Variants in CFAP43 observed in about 807,000 individuals in gnomAD.
CFAP43 encodes cilia and flagella associated protein 43.
CFAP43 carries 155 observed loss-of-function variants against 218.9 expected under a neutral mutation model. That is an observed-to-expected ratio of 0.71 (90% CI 0.62 to 0.81). The LOEUF (loss-of-function observed/expected upper bound fraction) is 0.81. Ranked by LOEUF, CFAP43 falls within the 30% of genes least tolerant of loss-of-function variation. CFAP43 has a pLI of 0.00. For missense variants in CFAP43, 1,778 were observed against 1,954.3 expected (o/e 0.91, Z 1.70); for synonymous variants, 645 against 681.3 (o/e 0.95, Z 0.83).
chr10:104,140,705 T>C (rs1325238299), intron 34 of CFAP43, 137 bp downstream of exon 34: 2 of 616,668 alleles, frequency 3.2e-6, no homozygotes, highest in African/African-American at 1.9e-5. Context: ...CCCAGCTACT[T>C]GGGAGGTGAA....
chr10:104,155,246 T>G (rs1470344329), intron 27 of CFAP43, among the ~76,000 whole-genome samples: 1 of 152,114 alleles, frequency 6.6e-6, no homozygotes, highest in Non-Finnish European at 1.5e-5. Context: ...TGGCGATGTC[T>G]CTGGACATGG....
chr10:104,175,705 T>C (rs2089603351), intron 19 of CFAP43, among the ~76,000 whole-genome samples: 2 of 152,206 alleles, frequency 1.3e-5, no homozygotes, highest in Admixed American at 6.5e-5. Flanking sequence ...TGGTACCGCA[T>C]ATTGCTACTC....
At chr10:104,150,615 T>C (rs1019528373) in intron 28 of CFAP43, among the ~76,000 whole-genome samples, 7 of 152,342 alleles carry the variant, frequency 4.6e-5, no homozygotes, top group Middle Eastern at 3.4e-3. Context: ...ATCTCTCCAG[T>C]GTTGCACCAT....
chr10:104,232,288 C>G lies in CFAP43; in HGVS notation c.-42G>C. 6.5e-7 allele frequency: 1 copy of G among 1,531,472 alleles called. No individual in the cohort carries two copies. Among genetic ancestry groups the G allele is most frequent in the Non-Finnish European group, 8.8e-7 (1 of 1,142,032 alleles). 94.9% of individuals were successfully genotyped at this position (1,531,472 alleles called of 1,614,324 possible). On this transcript the variant is annotated 5_prime_UTR_variant, in exon 1 of 38. Coordinates refer to ENST00000357060, the MANE Select transcript of CFAP43 (RefSeq NM_025145.7). Reference sequence around the variant, plus strand: ...AGGCGGGAGCAGGCAGCGCACGCAGCACCCCAGGGCGGGTCGGTTACCTTT... The same window carrying G: ...AGGCGGGAGCAGGCAGCGCACGCAGGACCCCAGGGCGGGTCGGTTACCTTT...
chr10:104,232,228 G>T lies in CFAP43; in HGVS notation c.19C>A (p.Arg7Ser), dbSNP rs541717938. 6 of 1,608,126 alleles carry T rather than the reference G, an allele frequency of 3.7e-6. No individual in the cohort carries two copies. In the South Asian group the frequency reaches 6.6e-5, roughly 18 times the overall value. Residue 7 changes from arginine (R) to serine (S), a missense_variant, in exon 1 of 38, where the codon CGC becomes AGC. This residue lies in a region of CFAP43 where 1,553 missense variants were observed against 1,685.2 expected (regional missense o/e 0.92). Coordinates refer to ENST00000357060, the MANE Select transcript of CFAP43 (RefSeq NM_025145.7). ...CCGGCGGAGTGGGGGCCTTCGTCGC[G>T]CTCCCGGCCTTGCGCCATGGGCAGT... MAQGRE[R>S]DEGPHSAGGA...
intron 32 of CFAP43, among the ~76,000 whole-genome samples, 173 bp from the exon 33 acceptor site, chr10:104,142,566 G>T (rs989513439): frequency 6.6e-6 from 1 of 152,044 alleles, no homozygotes; most frequent in African/African-American, 2.4e-5. Context: ...CAATTTGAAC[G>T]ATTTGAAAGT....
intron 23 of CFAP43, among the ~76,000 whole-genome samples, chr10:104,165,196 G>A (rs2089091342): frequency 6.6e-6 from 1 of 152,196 alleles, no homozygotes; most frequent in African/African-American, 2.4e-5. Flanking sequence ...GGACCAACTG[G>A]ATTGCCCCCA....
Position 104,192,235 on chromosome 10 carries a change from T to G in CFAP43, c.1510A>C (p.Asn504His), listed in dbSNP as rs1414276108. The change falls in exon 12 of 38, where the codon AAC becomes CAC. Residue 504 changes from asparagine to histidine, a missense_variant. Physicochemically the swap from Asn to His is moderately conservative, Grantham distance 68. Coordinates refer to ENST00000357060, the MANE Select transcript of CFAP43 (RefSeq NM_025145.7). ...AEGKVFIINA[N>H]SSSSFQIIGF... ...ATAATCTGAAATGAGCTTGAGGAGT[T>G]GGCATTGATAATAAAGACTTTTCCT... is the stretch of plus-strand genomic sequence containing the variant. 25 of 1,612,988 alleles carry G rather than the reference T, an allele frequency of 1.5e-5. No homozygotes were observed. Among genetic ancestry groups the G allele is most frequent in the Non-Finnish European group, 2.0e-5 (24 of 1,179,696 alleles).
At chr10:104,230,331 G>A (rs899632839) in intron 2 of CFAP43, among the ~76,000 whole-genome samples, 2 of 151,936 alleles carry the variant, frequency 1.3e-5, no homozygotes, top group Non-Finnish European at 2.9e-5. Flanking sequence ...TGGGCGTGGT[G>A]GTGCGCACCT....
At chr10:104,226,145 C>T (rs2091299611) in intron 2 of CFAP43, among the ~76,000 whole-genome samples, 1 of 152,228 alleles carries the variant, frequency 6.6e-6, no homozygotes, top group Non-Finnish European at 1.5e-5. Context: ...GCGCCTGTCT[C>T]TGCTTCCCAG....
intron 3 of CFAP43, chr10:104,218,929 C>T: frequency 4.4e-6 from 2 of 456,982 alleles, no homozygotes. Context: ...AGCCACCACA[C>T]CAACCACAGC....
Position 104,164,103 on chromosome 10 carries a change from T to C in CFAP43, c.3237A>G (p.Gln1079=). Residue 1079 remains glutamine, a synonymous_variant, in exon 24 of 38, where the codon CAA becomes CAG. Transcript: ENST00000357060. ...CACAGCTAGCCAGTACCTCCTCATC[T>C]TGCACAACAAGCGTTCTCTCTGGCT... ...CEKPERTLVV[Q]DEEITAHKHI... is the part of the protein sequence containing the mutation. The C allele has an allele frequency of 6.2e-7, 1 of 1,614,198 alleles. No individual in the cohort carries two copies. The highest frequency in any genetic ancestry group is 8.5e-7 in the Non-Finnish European group (1 of 1,180,016).
intron 7 of CFAP43, among the ~76,000 whole-genome samples, chr10:104,205,338 T>C (rs1202861124): frequency 1.3e-5 from 2 of 152,124 alleles, no homozygotes; most frequent in Non-Finnish European, 1.5e-5. Flanking sequence ...GATACACCTA[T>C]GTTCAAGCCC....
intron 16 of CFAP43, 44 bp downstream of exon 16, chr10:104,184,972 A>G: frequency 6.3e-7 from 1 of 1,588,562 alleles, no homozygotes; most frequent in South Asian, 1.1e-5. Context: ...CTCTATTTTA[A>G]CACACTATAC....
chr10:104,153,778 CTCTCTT>C (rs2088396498), intron 27 of CFAP43, among the ~76,000 whole-genome samples: 1 of 151,500 alleles, frequency 6.6e-6, no homozygotes, highest in Admixed American at 6.6e-5. Flanking sequence ...CTCTCTCTCT[CTCTCTT>C]CTCTCTCTCT....
chr10:104,187,982 T>C (rs2090085740), intron 13 of CFAP43, among the ~76,000 whole-genome samples: 1 of 152,206 alleles, frequency 6.6e-6, no homozygotes, highest in Non-Finnish European at 1.5e-5. Context: ...CCTTGTCTAT[T>C]CAAAGCTACA....
chr10:104,210,223 T>G (rs2134967188), intron 5 of CFAP43, among the ~76,000 whole-genome samples: 1 of 152,364 alleles, frequency 6.6e-6, no homozygotes, highest in East Asian at 1.9e-4. Context: ...TGCAGGAGAT[T>G]GACTATAATC....
chr10:104,166,610 T>C lies in CFAP43; in HGVS notation c.2917A>G (p.Asn973Asp). The part of the protein sequence containing the change: ...EEEDKTVKYS[N>D]LPNYLLGSLS... ...CTACCAAGCAGGTAATTGGGCAAATTGCTATATTTTACTGTCTTGTCTTCC... is the reference window on the plus strand; with the variant it reads ...CTACCAAGCAGGTAATTGGGCAAATCGCTATATTTTACTGTCTTGTCTTCC... The change falls in exon 23 of 38, where the codon AAT becomes GAT. Residue 973 changes from asparagine to aspartate, a missense_variant. This residue lies in a region of CFAP43 where 1,553 missense variants were observed against 1,685.2 expected (regional missense o/e 0.92). Transcript: ENST00000357060. The C allele has an allele frequency of 6.2e-7, 1 of 1,614,146 alleles. No homozygotes were observed. Among genetic ancestry groups the C allele is most frequent in the South Asian group, 1.1e-5 (1 of 91,078 alleles).
At chr10:104,156,348 T>C (rs774897325) in intron 27 of CFAP43, among the ~76,000 whole-genome samples, 9 of 152,086 alleles carry the variant, frequency 5.9e-5, no homozygotes, top group Non-Finnish European at 8.8e-5. Flanking sequence ...CGGGATATAG[T>C]CTAAGAACAA....
Sources: allele counts gnomAD v4.1 joint callset (sites outside exome capture counted in the v4.1 genomes callset), GRCh38; gene constraint gnomAD v4.1.1; regional missense constraint gnomAD v4.1.1; transcripts MANE v1.5; gene names NCBI Gene and HGNC (gene_info 2026-07-23, HGNC 2026-07-21).